Variants in PIK3R4 observed in about 807,000 individuals in gnomAD.
PIK3R4 encodes phosphoinositide 3-kinase regulatory subunit 4.
A neutral mutation model predicts 136.5 loss-of-function variants in PIK3R4; 46 were observed. That is an observed-to-expected ratio of 0.34 (90% confidence interval 0.27 to 0.43). PIK3R4 has a LOEUF of 0.43. Among genes scored for constraint, PIK3R4 ranks in the 20% least tolerant of loss-of-function variants. The probability of loss-of-function intolerance (pLI) is 1.00; values close to 1 mark genes in which losing one functional copy is unlikely to be tolerated. For synonymous variants in PIK3R4, 557 were observed against 566.7 expected (o/e 0.98, Z 0.24); for missense variants, 1,331 against 1,649.5 (o/e 0.81, Z 3.35).
intron 2 of PIK3R4, among the ~76,000 whole-genome samples, chr3:130,737,995 C>T (rs2066795361): frequency 6.6e-6 from 1 of 152,166 alleles, no homozygotes; most frequent in African/African-American, 2.4e-5. Flanking sequence ...TCTACATGCC[C>T]ACTAGAACGC....
At chr3:130,733,449 A>G in intron 4 of PIK3R4, 99 bp downstream of exon 4, 2 of 740,166 alleles carry the variant, frequency 2.7e-6, no homozygotes, top group Non-Finnish European at 4.6e-6. Context: ...AGCAAAGTTC[A>G]TACTTGCAAT....
In PIK3R4 at chr3:130,681,472, G is replaced by C; in HGVS notation, c.3708+19C>G. The C allele has an allele frequency of 6.9e-7, 1 of 1,441,820 alleles. No homozygotes were observed. Among genetic ancestry groups the C allele is most frequent in the South Asian group, 1.1e-5 (1 of 87,434 alleles). 89.3% of individuals were successfully genotyped at this position (1,441,820 alleles called of 1,614,324 possible). The stretch of plus-strand genomic sequence containing the variant: ...GTGGGGAATAATATCATCCTTTACA[G>C]TAAAAACTGAAGTCAAACCTGTAAT... On this transcript the variant is annotated intron_variant, in intron 17 of 19. Coordinates refer to ENST00000356763, the MANE Select transcript of PIK3R4 (RefSeq NM_014602.3).
intron 9 of PIK3R4, among the ~76,000 whole-genome samples, chr3:130,714,825 C>T (rs2066653388): frequency 6.6e-6 from 1 of 152,162 alleles, no homozygotes; most frequent in South Asian, 2.1e-4. Flanking sequence ...ATATGTACCA[C>T]ATTTTCTCAT....
intron 9 of PIK3R4, among the ~76,000 whole-genome samples, chr3:130,715,743 A>G (rs2066661113): frequency 6.6e-6 from 1 of 152,122 alleles, no homozygotes. Flanking sequence ...TTTGCTGTGC[A>G]GACCTCTTTA....
chr3:130,683,713 T>A (rs1462401126), intron 16 of PIK3R4, among the ~76,000 whole-genome samples: 1 of 152,164 alleles, frequency 6.6e-6, no homozygotes, highest in Non-Finnish European at 1.5e-5. Flanking sequence ...AGTTGTGTGC[T>A]AGAGTATGTA....
At chr3:130,685,271 T>A (rs958186081) in intron 15 of PIK3R4, among the ~76,000 whole-genome samples, 1 of 152,212 alleles carries the variant, frequency 6.6e-6, no homozygotes, top group African/African-American at 2.4e-5. Flanking sequence ...GAGTAAATTT[T>A]AAATGTTTTC....
chr3:130,702,104 T>G (rs959884330), intron 13 of PIK3R4, among the ~76,000 whole-genome samples: 1 of 152,128 alleles, frequency 6.6e-6, no homozygotes, highest in Non-Finnish European at 1.5e-5. Context: ...ATCAGGCCAC[T>G]GCACTCCAGC....
At chr3:130,683,940 C>G (rs1469312157) in intron 16 of PIK3R4, among the ~76,000 whole-genome samples, 1 of 151,946 alleles carries the variant, frequency 6.6e-6, no homozygotes, top group Non-Finnish European at 1.5e-5. Context: ...AAGGATGAGT[C>G]AAGGTTTCTA....
chr3:130,686,500 T>A (rs764918596), intron 14 of PIK3R4, 78 bp from the exon 15 acceptor site: 70 of 848,468 alleles, frequency 8.3e-5, no homozygotes, highest in Non-Finnish European at 1.3e-4. Context: ...TGACTTTATA[T>A]CCTATCCATA....
intron 7 of PIK3R4, among the ~76,000 whole-genome samples, chr3:130,721,681 C>CTT (rs2066701856): frequency 6.6e-6 from 1 of 152,152 alleles, no homozygotes; most frequent in Non-Finnish European, 1.5e-5. Flanking sequence ...TACATATTAT[C>CTT]TAAAAAAGTT....
At chr3:130,690,070 C>A (rs1274838457) in intron 14 of PIK3R4, among the ~76,000 whole-genome samples, 1 of 152,212 alleles carries the variant, frequency 6.6e-6, no homozygotes, top group Admixed American at 6.5e-5. Context: ...TAATGCCAAG[C>A]AACAGAATGC....
At chr3:130,704,664 T>A (rs1466532778) in intron 12 of PIK3R4, among the ~76,000 whole-genome samples, 1 of 152,154 alleles carries the variant, frequency 6.6e-6, no homozygotes, top group African/African-American at 2.4e-5. Flanking sequence ...TACATTACAC[T>A]AGGCAAGTCT....
chr3:130,696,880 T>C (rs2107604397), intron 13 of PIK3R4, among the ~76,000 whole-genome samples: 1 of 152,208 alleles, frequency 6.6e-6, no homozygotes, highest in South Asian at 2.1e-4. Context: ...AATTATCTAT[T>C]TTTCCCTTCA....
At chr3:130,697,063 CTTTT>C (rs60432343) in intron 13 of PIK3R4, among the ~76,000 whole-genome samples, 9,774 of 71,920 alleles carry the variant, frequency 0.14, 149 homozygotes, top group South Asian at 0.29. Flanking sequence ...GCCACTCCAG[CTTTT>C]TTTTTTTTTT....
chr3:130,727,370 C>T (rs1439429280), intron 6 of PIK3R4, among the ~76,000 whole-genome samples: 1 of 152,124 alleles, frequency 6.6e-6, no homozygotes, highest in East Asian at 1.9e-4. Flanking sequence ...AGTACAGGCA[C>T]CCGCCACCGC....
At chr3:130,703,354 A>G (rs1457794107) in intron 13 of PIK3R4, among the ~76,000 whole-genome samples, 2 of 152,164 alleles carry the variant, frequency 1.3e-5, no homozygotes, top group Non-Finnish European at 2.9e-5. Context: ...TTTTTCCACA[A>G]GATATCCATA....
At chr3:130,731,626 A>G (rs1271490192) in intron 4 of PIK3R4, among the ~76,000 whole-genome samples, 1 of 152,182 alleles carries the variant, frequency 6.6e-6, no homozygotes, top group Non-Finnish European at 1.5e-5. Context: ...GCACCTCTAA[A>G]GTCTGAGTAG....
At chr3:130,693,118 T>C (rs770988181) in intron 13 of PIK3R4, among the ~76,000 whole-genome samples, 2 of 152,218 alleles carry the variant, frequency 1.3e-5, no homozygotes, top group South Asian at 2.1e-4. Flanking sequence ...TACTTTCACT[T>C]AGCATACTGT....
chr3:130,702,411 A>G (rs2066579540), intron 13 of PIK3R4, among the ~76,000 whole-genome samples: 3 of 152,210 alleles, frequency 2.0e-5, no homozygotes, highest in Admixed American at 2.0e-4. Flanking sequence ...GAGAATGAGG[A>G]AAAATACAAT....
Sources: gnomAD v4.1 joint callset for allele counts (sites outside exome capture counted in the v4.1 genomes callset) on GRCh38, gnomAD v4.1.1 for gene constraint, MANE v1.5 for transcripts, NCBI Gene and HGNC (gene_info 2026-07-23, HGNC 2026-07-21) for gene names.